WWC2: variants seen among roughly 807,000 people sequenced by gnomAD.
WWC2 encodes protein WWC2.
WWC2 carries 101 observed loss-of-function variants against 138.5 expected under a neutral mutation model. That is an observed-to-expected ratio of 0.73 (90% confidence interval 0.62 to 0.86). WWC2 has a LOEUF of 0.86. WWC2 is among the 40% of genes least tolerant of loss of function. WWC2 has a pLI of 0.00. For missense variants in WWC2, 1,420 were observed against 1,419.4 expected (o/e 1.00, Z -0.01); for synonymous variants, 558 against 538.4 (o/e 1.04, Z -0.50).
chr4:183,100,257 C>A (rs935677684), intron 1 of WWC2, among the ~76,000 whole-genome samples: 3 of 152,224 alleles, frequency 2.0e-5, no homozygotes, highest in Non-Finnish European at 4.4e-5. Flanking sequence ...TGAACCGACT[C>A]CCAGATCGGG....
At position 183,319,817 on chromosome 4, in the gene WWC2, C is replaced by T. The variant is rs1739575293; in HGVS notation, c.*4088C>T. 8 of 1,614,012 alleles carry T rather than the reference C, an allele frequency of 5.0e-6. No individual in the cohort carries two copies. Among genetic ancestry groups the T allele is most frequent in the Non-Finnish European group, 6.8e-6 (8 of 1,179,912 alleles). On this transcript the variant is annotated 3_prime_UTR_variant, in exon 23 of 23. Coordinates refer to ENST00000403733, the MANE Select transcript of WWC2 (RefSeq NM_024949.6). Reference sequence around the variant, plus strand: ...TGTGGGCAACCCAAGAGACGGGAACCAGGGCTGTGACTCCCGAGGCCCAGG... The same window carrying T: ...TGTGGGCAACCCAAGAGACGGGAACTAGGGCTGTGACTCCCGAGGCCCAGG...
chr4:183,182,047 ATATT>A (rs1327656899), intron 1 of WWC2, among the ~76,000 whole-genome samples: 1 of 152,212 alleles, frequency 6.6e-6, no homozygotes, highest in Non-Finnish European at 1.5e-5. Flanking sequence ...ACATATGTAT[ATATT>A]TATTTAAAAA....
intron 4 of WWC2, among the ~76,000 whole-genome samples, chr4:183,235,344 C>T (rs1033275831): frequency 2.6e-5 from 4 of 152,068 alleles, no homozygotes; most frequent in Admixed American, 1.3e-4. Flanking sequence ...TTTGAATTTC[C>T]ATTTCTTTTG....
chr4:183,286,517 C>T (rs1738259665), intron 20 of WWC2, among the ~76,000 whole-genome samples: 1 of 151,900 alleles, frequency 6.6e-6, no homozygotes, highest in Non-Finnish European at 1.5e-5. Flanking sequence ...GGTTAAAACT[C>T]ATGTGGGTGG....
intron 19 of WWC2, among the ~76,000 whole-genome samples, chr4:183,285,675 G>T (rs1232083115): frequency 1.3e-5 from 2 of 152,106 alleles, no homozygotes; most frequent in Admixed American, 1.3e-4. Context: ...CAGGAGAATT[G>T]TGTGAACCCA....
At chr4:183,118,517 A>G (rs1223931027) in intron 1 of WWC2, among the ~76,000 whole-genome samples, 1 of 152,192 alleles carries the variant, frequency 6.6e-6, no homozygotes, top group African/African-American at 2.4e-5. Context: ...AAATGCCTAG[A>G]TTATGCATGT....
At chr4:183,263,356 G>C (rs1373036339) in intron 11 of WWC2, among the ~76,000 whole-genome samples, 2 of 152,190 alleles carry the variant, frequency 1.3e-5, no homozygotes, top group East Asian at 3.8e-4. Flanking sequence ...GTAACCCTGA[G>C]GTCTGGGAGT....
rs1560844060 is a variant in WWC2, at chr4:183,209,020, TTAAGGG to T, written c.522_522+5del. The T allele has an allele frequency of 6.4e-7, 1 of 1,565,742 alleles. No homozygotes were observed. Among genetic ancestry groups the T allele is most frequent in the East Asian group, 2.3e-5 (1 of 42,966 alleles). On this transcript the variant is annotated splice_donor_variant and coding_sequence_variant, in exon 4 of 23. Coordinates refer to ENST00000403733, the MANE Select transcript of WWC2 (RefSeq NM_024949.6). LOFTEE classifies it high-confidence loss of function. Reference sequence around the variant, plus strand: ...AAAAGCTGAGATCTCCACTACAAGATTAAGGGTAAGAAGTTTTAAATTGTGGTTCTA... The same window carrying T: ...AAAAGCTGAGATCTCCACTACAAGATTAAGAAGTTTTAAATTGTGGTTCTA...
chr4:183,161,035 A>C (rs947383204), intron 1 of WWC2, among the ~76,000 whole-genome samples: 3 of 152,094 alleles, frequency 2.0e-5, no homozygotes, highest in African/African-American at 7.2e-5. Context: ...ATCCTAGAGC[A>C]TTAAAAAAAA....
intron 1 of WWC2, among the ~76,000 whole-genome samples, chr4:183,140,680 GT>G (rs1382517219): frequency 6.6e-6 from 1 of 152,104 alleles, no homozygotes; most frequent in Non-Finnish European, 1.5e-5. Flanking sequence ...CAGAATTACA[GT>G]TTTACTGCTA....
chr4:183,103,153 G>T (rs1481781311), intron 1 of WWC2, among the ~76,000 whole-genome samples: 1 of 151,954 alleles, frequency 6.6e-6, no homozygotes, highest in Non-Finnish European at 1.5e-5. Context: ...CTTATGGCAA[G>T]GGTCAGATGT....
chr4:183,274,447 CTTTTTTA>C (rs1737789011), intron 16 of WWC2, among the ~76,000 whole-genome samples: 1 of 151,976 alleles, frequency 6.6e-6, no homozygotes, highest in Admixed American at 6.6e-5. Context: ...TTTCATTTTT[CTTTTTTA>C]TTTTTATGTC....
At chr4:183,197,595 T>C (rs1735179744) in intron 2 of WWC2, among the ~76,000 whole-genome samples, 1 of 152,152 alleles carries the variant, frequency 6.6e-6, no homozygotes, top group Non-Finnish European at 1.5e-5. Flanking sequence ...TGGGTATATG[T>C]GGAGTGGGGG....
chr4:183,239,034 G>T (rs1246871860), intron 4 of WWC2, among the ~76,000 whole-genome samples: 1 of 152,120 alleles, frequency 6.6e-6, no homozygotes, highest in Non-Finnish European at 1.5e-5. Flanking sequence ...TAAGGCTCTG[G>T]CTGGGCATGG....
intron 16 of WWC2, among the ~76,000 whole-genome samples, chr4:183,278,705 G>A (rs962235348): frequency 1.3e-5 from 2 of 152,058 alleles, no homozygotes; most frequent in African/African-American, 2.4e-5. Flanking sequence ...TCACTTGTAA[G>A]TTGGATTCCT....
chr4:183,154,431 A>G (rs894467821), intron 1 of WWC2, among the ~76,000 whole-genome samples: 18 of 152,182 alleles, frequency 1.2e-4, no homozygotes, highest in African/African-American at 4.3e-4. Context: ...TCTGAAGGCC[A>G]TGATCCCCAG....
intron 1 of WWC2, among the ~76,000 whole-genome samples, chr4:183,172,129 A>C (rs2111165039): frequency 6.6e-6 from 1 of 152,290 alleles, no homozygotes. Flanking sequence ...CTTTCAGTAC[A>C]TTCCAACACA....
intron 1 of WWC2, among the ~76,000 whole-genome samples, chr4:183,104,059 A>G (rs1389446826): frequency 2.6e-5 from 4 of 151,516 alleles, no homozygotes; most frequent in Admixed American, 1.3e-4. Flanking sequence ...TCCTGGGTTC[A>G]AGTGATTCTC....
chr4:183,303,060 CAAA>C (rs35439586), intron 21 of WWC2, among the ~76,000 whole-genome samples: 9 of 82,554 alleles, frequency 1.1e-4, no homozygotes, highest in Non-Finnish European at 6.9e-5. Flanking sequence ...GACTCCATCT[CAAA>C]AAAAAAAAAA....
Sources: gnomAD v4.1 joint callset for allele counts (sites outside exome capture counted in the v4.1 genomes callset) on GRCh38, gnomAD v4.1.1 for gene constraint, MANE v1.5 for transcripts, NCBI Gene and HGNC (gene_info 2026-07-23, HGNC 2026-07-21) for gene names.